Variants in SVEP1 observed in about 807,000 individuals in gnomAD.
SVEP1 encodes sushi, von Willebrand factor type A, EGF and pentraxin domain-containing protein 1.
In SVEP1, 164 loss-of-function variants were observed where a neutral mutation model predicts 367.3. That is an observed-to-expected ratio of 0.45 (90% CI 0.39 to 0.51). SVEP1 has a LOEUF of 0.51. Among genes scored for constraint, SVEP1 ranks in the 20% least tolerant of loss-of-function variants. SVEP1 has a pLI of 0.00. For missense variants in SVEP1, 4,117 were observed against 4,425.3 expected, an observed-to-expected ratio of 0.93 and a Z score of 1.98; for synonymous variants, 1,666 against 1,611.6, an observed-to-expected ratio of 1.03 and a Z score of -0.81.
At chr9:110,537,498 T>A (rs1480845901) in intron 3 of SVEP1, among the ~76,000 whole-genome samples, 2 of 151,968 alleles carry the variant, frequency 1.3e-5, no homozygotes, top group Non-Finnish European at 2.9e-5. Context: ...AATTTCAATT[T>A]TTATCCACAA....
intron 1 of SVEP1, among the ~76,000 whole-genome samples, chr9:110,567,103 T>A (rs1379616120): frequency 6.6e-6 from 1 of 152,226 alleles, no homozygotes; most frequent in East Asian, 1.9e-4. Flanking sequence ...CACAATATAA[T>A]GCTTGATACA....
intron 8 of SVEP1, among the ~76,000 whole-genome samples, chr9:110,495,866 G>C (rs1449202453): frequency 1.3e-5 from 2 of 152,122 alleles, no homozygotes; most frequent in African/African-American, 2.4e-5. Flanking sequence ...AGAAACACCA[G>C]TGCTATCTCT....
At chr9:110,385,796 T>C in intron 43 of SVEP1, 102 bp downstream of exon 43, 1 of 1,228,420 alleles carries the variant, frequency 8.1e-7, no homozygotes, top group Non-Finnish European at 1.1e-6. Context: ...AGCACAGAGA[T>C]CTAAGTATCT....
intron 3 of SVEP1, among the ~76,000 whole-genome samples, chr9:110,545,856 T>C (rs1032386172): frequency 6.6e-6 from 1 of 152,100 alleles, no homozygotes. Context: ...CTTGTTGTCC[T>C]AGACAAAGCC....
At chr9:110,507,219 A>G (rs1164104617) in intron 5 of SVEP1, among the ~76,000 whole-genome samples, 3 of 152,224 alleles carry the variant, frequency 2.0e-5, no homozygotes, top group African/African-American at 7.2e-5. Flanking sequence ...AAGATTTTTG[A>G]ACAAAACATT....
At chr9:110,496,212 A>G (rs1307998064) in intron 8 of SVEP1, among the ~76,000 whole-genome samples, 1 of 152,226 alleles carries the variant, frequency 6.6e-6, no homozygotes, top group Non-Finnish European at 1.5e-5. Flanking sequence ...ACTTGATTGG[A>G]TTGAAGGATA....
At position 110,570,051 on chromosome 9, in the gene SVEP1, C is replaced by T. The variant is rs557691922; in HGVS notation, c.531+8962G>A. On this transcript the variant is annotated intron_variant, in intron 1 of 47. Coordinates refer to ENST00000374469, the MANE Select transcript of SVEP1 (RefSeq NM_153366.4). Reference sequence around the variant, plus strand: ...GTGAAGCATTGTAACAACATTCATGCTAAACAACAACTCTCACAGAGTTTT... The same window carrying T: ...GTGAAGCATTGTAACAACATTCATGTTAAACAACAACTCTCACAGAGTTTT... Among the ~76,000 whole-genome samples, 5 of 152,306 alleles carry T rather than the reference C, an allele frequency of 3.3e-5. No individual in the cohort carries two copies. The South Asian group carries it at 6.2e-4, about 19-fold the overall frequency.
At chr9:110,411,787 AG>A in intron 36 of SVEP1, 52 bp from the exon 37 acceptor site, 1 of 1,419,000 alleles carries the variant, frequency 7.0e-7, no homozygotes, top group Non-Finnish European at 9.3e-7. Flanking sequence ...TTTGAGAAAA[AG>A]TGTTTGTGTC....
rs946587478 is a variant in SVEP1, at chr9:110,459,079, C to T, written c.3357G>A (p.Gly1119=). ...PCPEGKFSRS[G]LMPCHPCPRD... The stretch of plus-strand genomic sequence containing the variant: ...GAGGACATGGGTGACAGGGCATTAA[C>T]CCAGAACGCGAGAATTTTCCTTCTG... Residue 1119 remains glycine, a synonymous_variant, in exon 19 of 48, where the codon GGG becomes GGA. Coordinates refer to ENST00000374469, the MANE Select transcript of SVEP1 (RefSeq NM_153366.4). 6.2e-7 allele frequency: 1 copy of T among 1,613,602 alleles called. No individual in the cohort carries two copies. The highest frequency in any genetic ancestry group is 8.5e-7 in the Non-Finnish European group (1 of 1,179,714).
intron 43 of SVEP1, among the ~76,000 whole-genome samples, chr9:110,384,549 T>C (rs1398305350): frequency 6.6e-6 from 1 of 150,910 alleles, no homozygotes; most frequent in African/African-American, 2.4e-5. Flanking sequence ...ACTTGGGCTG[T>C]TGTGTATATC....
chr9:110,529,975 G>T (rs1452853980), intron 3 of SVEP1, among the ~76,000 whole-genome samples: 7 of 151,602 alleles, frequency 4.6e-5, no homozygotes, highest in African/African-American at 1.7e-4. Flanking sequence ...TTCCCACTTA[G>T]TATGTTGGCT....
intron 40 of SVEP1, among the ~76,000 whole-genome samples, chr9:110,393,033 A>G (rs980108952): frequency 2.0e-5 from 3 of 152,224 alleles, no homozygotes; most frequent in Non-Finnish European, 2.9e-5. Context: ...TCTAACATGT[A>G]TAATAGCTTG....
intron 8 of SVEP1, among the ~76,000 whole-genome samples, chr9:110,495,237 G>A (rs981636994): frequency 6.6e-6 from 1 of 151,582 alleles, no homozygotes; most frequent in Non-Finnish European, 1.5e-5. Flanking sequence ...GCTGAATAAC[G>A]GCCCCCCCAA....
intron 36 of SVEP1, among the ~76,000 whole-genome samples, chr9:110,416,828 T>C (rs1828127957): frequency 6.6e-6 from 1 of 152,062 alleles, no homozygotes; most frequent in South Asian, 2.1e-4. Context: ...ACTACTGACA[T>C]TGTGGACCAG....
At chr9:110,552,396 A>C (rs1351265085) in intron 1 of SVEP1, among the ~76,000 whole-genome samples, 1 of 152,110 alleles carries the variant, frequency 6.6e-6, no homozygotes, top group East Asian at 1.9e-4. Flanking sequence ...CCTGGAAGAC[A>C]ATTTTTCCAT....
At chr9:110,446,154 A>C in intron 25 of SVEP1, 116 bp from the exon 26 acceptor site, 1 of 909,156 alleles carries the variant, frequency 1.1e-6, no homozygotes, top group Non-Finnish European at 1.7e-6. Flanking sequence ...TTATCTAAGA[A>C]GCAGTTTCAA....
chr9:110,473,484 A>C (rs191341661), intron 14 of SVEP1, among the ~76,000 whole-genome samples: 3 of 152,328 alleles, frequency 2.0e-5, no homozygotes, highest in African/African-American at 7.2e-5. Flanking sequence ...AATAAAAACA[A>C]ACAACACACT....
At chr9:110,528,714 T>C (rs1419919136) in intron 3 of SVEP1, among the ~76,000 whole-genome samples, 1 of 152,016 alleles carries the variant, frequency 6.6e-6, no homozygotes, top group Non-Finnish European at 1.5e-5. Context: ...ATTAGTCCTT[T>C]GTCAGGTCCA....
chr9:110,479,427 G>A (rs1177789183), intron 13 of SVEP1, among the ~76,000 whole-genome samples: 1 of 152,124 alleles, frequency 6.6e-6, no homozygotes, highest in Non-Finnish European at 1.5e-5. Flanking sequence ...TCCTAAGGAT[G>A]TTTTTAAAGA....
Sources: allele counts gnomAD v4.1 joint callset (sites outside exome capture counted in the v4.1 genomes callset), GRCh38; gene constraint gnomAD v4.1.1; transcripts MANE v1.5; gene names NCBI Gene and HGNC (gene_info 2026-07-23, HGNC 2026-07-21).